Variants in LRR1 observed in about 807,000 individuals in gnomAD.
LRR1 encodes leucine rich repeat protein 1, also known as leucine-rich repeat protein 1.
A neutral mutation model predicts 31.6 loss-of-function variants in LRR1; 29 were observed. The observed-to-expected ratio is 0.92, with a 90% CI of 0.68 to 1.25. The LOEUF (loss-of-function observed/expected upper bound fraction) is 1.25. Among genes scored for constraint, LRR1 ranks in the 50% most tolerant of loss-of-function variants. LRR1 has a pLI of 0.00. For missense variants in LRR1, 485 were observed against 487.2 expected, an observed-to-expected ratio of 1.00 and a Z score of 0.04; for synonymous variants, 179 against 181.4, an observed-to-expected ratio of 0.99 and a Z score of 0.10.
At chr14:49,603,803 C>G (rs1005466993) in intron 2 of LRR1, among the ~76,000 whole-genome samples, 3 of 147,466 alleles carry the variant, frequency 2.0e-5, no homozygotes, top group African/African-American at 7.4e-5. Flanking sequence ...AAGCGATTCT[C>G]CTGCCCCAGC....
At chr14:49,599,355 C>A (rs1881945999) in intron 1 of LRR1, 152 bp downstream of exon 1, 2 of 841,884 alleles carry the variant, frequency 2.4e-6, no homozygotes, top group African/African-American at 3.4e-5. Context: ...ACCATCAGCC[C>A]GACCCCAGGG....
chr14:49,603,523 CTTTTTTT>C (rs752524533), intron 2 of LRR1: 175 of 99,014 alleles, frequency 1.8e-3, no homozygotes, highest in South Asian at 7.0e-3. Flanking sequence ...TCTTCTTCTT[CTTTTTTT>C]TTTTTTTTTT....
intron 1 of LRR1, chr14:49,600,543 A>T: frequency 6.3e-7 from 1 of 1,575,078 alleles, no homozygotes; most frequent in South Asian, 1.1e-5. Context: ...AGCCATTTTA[A>T]CTCCAAAGAA....
intron 3 of LRR1, among the ~76,000 whole-genome samples, chr14:49,613,017 T>G (rs1367948523): frequency 6.6e-6 from 1 of 152,090 alleles, no homozygotes; most frequent in East Asian, 1.9e-4. Flanking sequence ...CTGGCCAACA[T>G]GGTTAACCCC....
At chr14:49,609,648 C>T (rs1394381588) in intron 3 of LRR1, among the ~76,000 whole-genome samples, 8 of 151,738 alleles carry the variant, frequency 5.3e-5, no homozygotes, top group Admixed American at 5.3e-4. Flanking sequence ...ACCTTGTGAT[C>T]TGCCCACTTT....
intron 2 of LRR1, 30 bp from the exon 3 acceptor site, chr14:49,607,369 AT>A: frequency 6.6e-7 from 1 of 1,518,272 alleles, no homozygotes; most frequent in Non-Finnish European, 8.8e-7. Flanking sequence ...CTCCAGTGGA[AT>A]TTATAATTCT....
chr14:49,601,586 G>A (rs1340922046), intron 1 of LRR1: 1 of 1,278,356 alleles, frequency 7.8e-7, no homozygotes, highest in Non-Finnish European at 1.0e-6. Flanking sequence ...CTGCTCTCAT[G>A]GAGTTTGTAT....
chr14:49,599,590 T>C (rs1360286580), intron 1 of LRR1, among the ~76,000 whole-genome samples: 8 of 152,104 alleles, frequency 5.3e-5, no homozygotes, highest in African/African-American at 1.7e-4. Flanking sequence ...GTTCAGTGAA[T>C]TCTTTCTCCC....
At chr14:49,600,147 G>A (rs1400422618) in intron 1 of LRR1, 2 of 1,528,272 alleles carry the variant, frequency 1.3e-6, no homozygotes, top group African/African-American at 1.4e-5. Context: ...CAGCGTCACC[G>A]TGGGGGGCAA....
At chr14:49,604,005 T>C (rs909194160) in intron 2 of LRR1, among the ~76,000 whole-genome samples, 1 of 149,622 alleles carries the variant, frequency 6.7e-6, no homozygotes, top group African/African-American at 2.4e-5. Context: ...ATCATTCTTA[T>C]AAAAATATAA....
At chr14:49,609,230 T>TTTTTTTTTTTTTTC (rs1555326116) in intron 3 of LRR1, among the ~76,000 whole-genome samples, 5 of 104,330 alleles carry the variant, frequency 4.8e-5, no homozygotes, top group African/African-American at 1.5e-4. Flanking sequence ...TTTTTTTTTT[T>TTTTTTTTTTTTTTC]TTTTTTTTTT....
chr14:49,612,476 A>G (rs1182333942), intron 3 of LRR1: 1 of 1,253,562 alleles, frequency 8.0e-7, no homozygotes, highest in Admixed American at 2.8e-5. Flanking sequence ...ATCTAGAACC[A>G]TCTATCCGAA....
chr14:49,599,331 C>A, intron 1 of LRR1, 128 bp downstream of exon 1: 1 of 1,072,148 alleles, frequency 9.3e-7, no homozygotes, highest in Non-Finnish European at 1.3e-6. Flanking sequence ...CCTGAACTCC[C>A]AGCCTTGAGA....
In LRR1 at chr14:49,599,150, C is replaced by G. The variant is rs1156652467; in HGVS notation, c.130C>G (p.Arg44Gly). Residue 44 changes from arginine (R) to glycine (G), a missense_variant, in exon 1 of 4, where the codon CGA becomes GGA. Transcript: ENST00000298288. ...GACTTCCAGGAGTCAGCCGCCGGTC[C>G]GAGCCTTCCTGCTCATCTCCACCCT... ...QQTSRSQPPV[R>G]AFLLISTLKD... 6.2e-7 allele frequency: 1 copy of G among 1,608,976 alleles called. No individual in the cohort carries two copies. The highest frequency in any genetic ancestry group is 1.7e-5 in the Admixed American group (1 of 59,090).
intron 1 of LRR1, chr14:49,600,335 A>T: frequency 6.5e-7 from 1 of 1,532,362 alleles, no homozygotes; most frequent in Non-Finnish European, 9.0e-7. Context: ...CACCAAATGT[A>T]CCCTTTTTAT....
At chr14:49,607,341 C>G in intron 2 of LRR1, 59 bp from the exon 3 acceptor site, 1 of 1,433,002 alleles carries the variant, frequency 7.0e-7, no homozygotes, top group Non-Finnish European at 9.3e-7. Flanking sequence ...ATGGGAAGAA[C>G]TAGCATGTAT....
chr14:49,614,124 T>C (rs936957973), intron 3 of LRR1, 132 bp from the exon 4 acceptor site: 2 of 911,776 alleles, frequency 2.2e-6, no homozygotes, highest in South Asian at 3.8e-5. Context: ...TCATATATTG[T>C]TTTTTAGTAT....
At position 49,598,949 on chromosome 14, in the gene LRR1, G is replaced by T. The variant is rs1478297685; in HGVS notation, c.-72G>T. 1.2e-5 allele frequency: 19 copies of T among 1,520,476 alleles called. No homozygotes were observed. Among genetic ancestry groups the T allele is most frequent in the Non-Finnish European group, 1.7e-5 (19 of 1,126,814 alleles). The allele number at this position is 1,520,476 out of a possible 1,614,324, so 94.2% of individuals were successfully genotyped here. On this transcript the variant is annotated 5_prime_UTR_variant, in exon 1 of 4. Transcript: ENST00000298288. ...GGCAGCCCGCGTGCGCGAGGACCCC[G>T]ATGGCGGCGCCGGGTGGCGGGAAGG...
intron 1 of LRR1, chr14:49,601,539 T>G (rs1882051412): frequency 6.7e-6 from 7 of 1,040,240 alleles, no homozygotes; most frequent in Non-Finnish European, 1.3e-6. Flanking sequence ...GTCATCGTTC[T>G]AGCACTCAGG....
Sources: allele counts gnomAD v4.1 joint callset (sites outside exome capture counted in the v4.1 genomes callset), GRCh38; gene constraint gnomAD v4.1.1; transcripts MANE v1.5; gene names NCBI Gene and HGNC (gene_info 2026-07-23, HGNC 2026-07-21).